Variants in RANBP17 observed in about 807,000 individuals in gnomAD.
The protein encoded by RANBP17 is RAN binding protein 17.
A neutral mutation model predicts 141.2 loss-of-function variants in RANBP17; 158 were observed. That is an observed-to-expected ratio of 1.12 (90% CI 0.98 to 1.28). RANBP17 has a LOEUF of 1.28. RANBP17 is among the 50% of genes most tolerant of loss of function. The pLI is 0.00. For missense variants in RANBP17, 1,438 were observed against 1,290.7 expected, an observed-to-expected ratio of 1.11 and a Z score of -1.75; for synonymous variants, 430 against 450.0, an observed-to-expected ratio of 0.96 and a Z score of 0.56.
chr5:170,928,969 A>G (rs2127453881), intron 12 of RANBP17, among the ~76,000 whole-genome samples: 1 of 151,908 alleles, frequency 6.6e-6, no homozygotes, highest in South Asian at 2.1e-4. Flanking sequence ...GCAATATTTT[A>G]TTGTTTTCAG....
At position 170,968,382 on chromosome 5, in the gene RANBP17, GT is replaced by G; in HGVS notation, c.1710+8del. On this transcript the variant is annotated splice_donor_region_variant and intron_variant, in intron 14 of 27. Coordinates refer to ENST00000523189, the MANE Select transcript of RANBP17 (RefSeq NM_022897.5). ...CAACTTCAAAGAACCTCAAAGGTAG[GT>G]TTCTACTAGAGAGTTTAAAACATGT... 1 of 1,602,488 alleles carries G rather than the reference GT, an allele frequency of 6.2e-7. No individual in the cohort carries two copies. The highest frequency in any genetic ancestry group is 8.5e-7 in the Non-Finnish European group (1 of 1,175,132).
chr5:170,912,459 G>A (rs1581128435), intron 7 of RANBP17, among the ~76,000 whole-genome samples: 1 of 151,892 alleles, frequency 6.6e-6, no homozygotes, highest in East Asian at 1.9e-4. Context: ...TAAAATGGAG[G>A]GTAGTTAATA....
At chr5:171,059,449 G>C (rs1423734741) in intron 14 of RANBP17, among the ~76,000 whole-genome samples, 1 of 152,018 alleles carries the variant, frequency 6.6e-6, no homozygotes, top group Non-Finnish European at 1.5e-5. Flanking sequence ...GTTTTTCTCA[G>C]GTTTGTCAAA....
At chr5:171,050,593 G>A (rs1161537643) in intron 14 of RANBP17, among the ~76,000 whole-genome samples, 1 of 152,158 alleles carries the variant, frequency 6.6e-6, no homozygotes, top group Admixed American at 6.6e-5. Context: ...TGTGGTCCCA[G>A]CTCTTCAGGA....
At position 170,893,783 on chromosome 5, in the gene RANBP17, A is replaced by G. The variant is rs551597497; in HGVS notation, c.423+1230A>G. ...ACTCCAGCCTGGGCAACAGAGCAAG[A>G]CTCCGTCTCAAAAAAAAAAAAAAGA... On this transcript the variant is annotated intron_variant, in intron 4 of 27. Coordinates refer to ENST00000523189, the MANE Select transcript of RANBP17 (RefSeq NM_022897.5). Among the ~76,000 whole-genome samples the G allele has an allele frequency of 2.4e-3, 357 of 147,998 alleles. 3 individuals are homozygous for G. Among genetic ancestry groups the G allele is most frequent in the African/African-American group, 8.7e-3 (341 of 39,384 alleles).
At chr5:170,978,798 A>G (rs573228523) in intron 14 of RANBP17, among the ~76,000 whole-genome samples, 2,717 of 90,434 alleles carry the variant, frequency 0.03, 96 homozygotes, top group African/African-American at 0.076. Context: ...GTGTATACAT[A>G]TATAAAGACA....
At position 171,035,737 on chromosome 5, in the gene RANBP17, GTTT is replaced by G. The variant is rs781327156; in HGVS notation, c.1710+67377_1710+67379del. Among the ~76,000 whole-genome samples the G allele has an allele frequency of 1.8e-3, 173 of 95,460 alleles. 1 individual carries two copies. The highest frequency in any genetic ancestry group is 6.1e-3 in the Middle Eastern group (1 of 164). The allele number at this position is 95,460 out of a possible 152,430, so 62.6% of individuals were successfully genotyped here. A position where few individuals can be genotyped will look rare whatever the true frequency, so the allele number is the denominator to read the frequency against. The stretch of plus-strand genomic sequence containing the variant: ...GTTTGCACTGTTTGTTTCTTTTTTT[GTTT>G]TTTTTTTTTTTTTTTTAAGTAATTT... On this transcript the variant is annotated intron_variant, in intron 14 of 27. Transcript: ENST00000523189.
intron 14 of RANBP17, among the ~76,000 whole-genome samples, chr5:171,079,769 TATC>T (rs1222944101): frequency 6.6e-6 from 1 of 152,240 alleles, no homozygotes; most frequent in Non-Finnish European, 1.5e-5. Flanking sequence ...TAGACTATAG[TATC>T]ATGTAAACAT....
chr5:171,065,337 G>C (rs1290735945), intron 14 of RANBP17, among the ~76,000 whole-genome samples: 1 of 152,130 alleles, frequency 6.6e-6, no homozygotes, highest in Non-Finnish European at 1.5e-5. Context: ...GCATGAAACT[G>C]TTCCACCTCA....
chr5:170,890,904 CTG>C (rs1332420848), intron 3 of RANBP17, among the ~76,000 whole-genome samples: 1 of 152,192 alleles, frequency 6.6e-6, no homozygotes, highest in Admixed American at 6.5e-5. Flanking sequence ...GGATCTCACT[CTG>C]TCACCCAGGC....
rs1342920795 is a variant in RANBP17 at position 171,059,043 on chromosome 5, A to G, written c.1710+90666A>G. Among the ~76,000 whole-genome samples the G allele has an allele frequency of 4.0e-5, 6 of 149,536 alleles. No individual in the cohort carries two copies. The East Asian group carries it at 1.2e-3, about 30-fold the overall frequency. On this transcript the variant is annotated intron_variant, in intron 14 of 27. Coordinates refer to ENST00000523189, the MANE Select transcript of RANBP17 (RefSeq NM_022897.5). ...TTTTCTTGTAAATTTGTTTGAGTTC[A>G]TTGTAGATTCTGGATATTAGCCCTT...
In RANBP17 at chr5:170,968,222, T is replaced by A. The variant is rs1383754908; in HGVS notation, c.1575-20T>A. ...AAGGTTTTGTACTGAAGGTTTTTTT[T>A]TTATTTTCCCTTCATGAAGAGTTTT... On this transcript the variant is annotated intron_variant, in intron 13 of 27. Transcript: ENST00000523189. 1 of 1,531,440 alleles carries A rather than the reference T, an allele frequency of 6.5e-7. No homozygotes were observed. The highest frequency in any genetic ancestry group is 2.4e-5 in the Admixed American group (1 of 41,000). The allele number at this position is 1,531,440 out of a possible 1,614,324, so 94.9% of individuals were successfully genotyped here. A position where few individuals can be genotyped will look rare whatever the true frequency, so the allele number is the denominator to read the frequency against.
chr5:170,984,227 C>G (rs768065535), intron 14 of RANBP17, among the ~76,000 whole-genome samples: 15 of 152,108 alleles, frequency 9.9e-5, no homozygotes, highest in Non-Finnish European at 2.1e-4. Flanking sequence ...AGTTTGTCAT[C>G]CGGGTGTATG....
At chr5:171,208,440 C>T (rs138022770) in intron 20 of RANBP17, among the ~76,000 whole-genome samples, 14 of 152,288 alleles carry the variant, frequency 9.2e-5, no homozygotes, top group Middle Eastern at 3.4e-3. Context: ...AACACCTTAG[C>T]TTGCAGTGCA....
chr5:170,909,952 A>G (rs1352070492), intron 6 of RANBP17, 187 bp downstream of exon 6: 3 of 436,952 alleles, frequency 6.9e-6, no homozygotes, highest in African/African-American at 2.1e-5. Context: ...CTCACTGGGC[A>G]TATGATAAGG....
intron 14 of RANBP17, 27 bp downstream of exon 14, chr5:170,968,404 CAT>C: frequency 6.3e-7 from 1 of 1,589,260 alleles, no homozygotes. Context: ...GAGTTTAAAA[CAT>C]GTTATTGGGG....
In RANBP17 at chr5:171,198,420, A is replaced by G. The variant is rs143318207; in HGVS notation, c.2039-1250A>G. Among the ~76,000 whole-genome samples the G allele has an allele frequency of 1.9e-3, 289 of 152,322 alleles. 3 individuals are homozygous for G. The South Asian group carries it at 0.024, about 13-fold the overall frequency. On this transcript the variant is annotated intron_variant, in intron 18 of 27. Transcript: ENST00000523189. ...TGAAATTGAAGGAAAGAGATAAATC[A>G]CAGAAGATTAGAGTCAGCCAGATCA...
At chr5:170,964,953 G>C (rs1581255185) in intron 13 of RANBP17, among the ~76,000 whole-genome samples, 2 of 152,232 alleles carry the variant, frequency 1.3e-5, no homozygotes, top group Non-Finnish European at 2.9e-5. Flanking sequence ...TCTAGTTCTA[G>C]ATCCCTGAGG....
intron 14 of RANBP17, chr5:170,983,288 T>C: frequency 3.9e-6 from 1 of 259,358 alleles, no homozygotes; most frequent in Non-Finnish European, 7.4e-6. Context: ...AAAGAACTGA[T>C]AGATTACTTG....
Sources: allele counts gnomAD v4.1 joint callset (sites outside exome capture counted in the v4.1 genomes callset), GRCh38; gene constraint gnomAD v4.1.1; transcripts MANE v1.5; gene names NCBI Gene and HGNC (gene_info 2026-07-23, HGNC 2026-07-21).